ARHGEF38: variants seen among roughly 807,000 people sequenced by gnomAD.
ARHGEF38 encodes Rho guanine nucleotide exchange factor 38.
Under a neutral mutation model 79.9 loss-of-function variants are expected in ARHGEF38, and 79 were observed. The ratio of observed to expected loss-of-function variants is 0.99; its 90% CI spans 0.82 to 1.19. The LOEUF is 1.19. Among genes scored for constraint, ARHGEF38 ranks in the 50% most tolerant of loss-of-function variants. The pLI, the probability that ARHGEF38 is intolerant of heterozygous loss-of-function variation, is 0.00. For synonymous variants in ARHGEF38, 366 were observed against 328.3 expected, an observed-to-expected ratio of 1.11 and a Z score of -1.24; for missense variants, 962 against 907.2, an observed-to-expected ratio of 1.06 and a Z score of -0.78.
chr4:105,598,635 CAAA>C, intron 2 of ARHGEF38, among the ~76,000 whole-genome samples: 1 of 151,998 alleles, frequency 6.6e-6, no homozygotes. Context: ...TACATTACAA[CAAA>C]AAATCCTGTA....
chr4:105,561,489 A>AATG (rs1560684712), intron 1 of ARHGEF38: 1 of 68,884 alleles, frequency 1.5e-5, no homozygotes, highest in East Asian at 2.7e-4. Context: ...AGAATAGAAT[A>AATG]GAATAGAATA....
chr4:105,677,785 A>T lies in ARHGEF38; in HGVS notation c.2182A>T (p.Ser728Cys), dbSNP rs1578372104. 6.6e-7 allele frequency: 1 copy of T among 1,522,764 alleles called. No homozygotes were observed. The highest frequency in any genetic ancestry group is 2.5e-5 in the East Asian group (1 of 40,782). The allele number at this position is 1,522,764 out of a possible 1,614,324, so 94.3% of individuals were successfully genotyped here. A position where few individuals can be genotyped will look rare whatever the true frequency, so the allele number is the denominator to read the frequency against. The part of the protein sequence containing the change: ...FYAVHAFQAR[S>C]DHELSLQEYQ... ...TGCAGTTCATGCTTTTCAAGCACGG[A>T]GTGACCATGAACTCAGCCTTCAGGA... Residue 728 changes from serine (S) to cysteine (C), a missense_variant, in exon 14 of 14, where the codon AGT becomes TGT. Ser to Cys is a moderately radical substitution (Grantham distance 112). Coordinates refer to ENST00000420470, the MANE Select transcript of ARHGEF38 (RefSeq NM_001242729.2).
At chr4:105,576,981 T>C (rs1385983319) in intron 1 of ARHGEF38, among the ~76,000 whole-genome samples, 1 of 152,200 alleles carries the variant, frequency 6.6e-6, no homozygotes, top group Non-Finnish European at 1.5e-5. Context: ...GACCATGGTG[T>C]ATTACCTTTT....
chr4:105,617,105 A>G (rs1728542055), intron 3 of ARHGEF38, among the ~76,000 whole-genome samples: 1 of 152,220 alleles, frequency 6.6e-6, no homozygotes, highest in Non-Finnish European at 1.5e-5. Context: ...AATAGTTTCA[A>G]TAGCAGTTAA....
intron 2 of ARHGEF38, among the ~76,000 whole-genome samples, chr4:105,595,276 C>T (rs927704873): frequency 6.6e-6 from 1 of 152,054 alleles, no homozygotes; most frequent in Non-Finnish European, 1.5e-5. Flanking sequence ...ATTTCTATAA[C>T]AAGAAAGTTA....
rs1730773916 is a variant in ARHGEF38 at position 105,666,985 on chromosome 4, G to A, written c.1690-144G>A. On this transcript the variant is annotated intron_variant, in intron 11 of 13. Coordinates refer to ENST00000420470, the MANE Select transcript of ARHGEF38 (RefSeq NM_001242729.2). ...GCTGGGTACTTTACGATAATAGCCT[G>A]CTCTATGCCTGCACCTTGAAATAAT... The A allele has an allele frequency of 6.9e-6, 5 of 720,256 alleles. No homozygotes were observed. In the South Asian group the frequency reaches 1.0e-4, roughly 15 times the overall value. The allele number at this position is 720,256 out of a possible 1,614,324, so 44.6% of individuals were successfully genotyped here. A position where few individuals can be genotyped will look rare whatever the true frequency, so the allele number is the denominator to read the frequency against.
rs1157078885 is a variant in ARHGEF38, at chr4:105,667,183, A to G, written c.1744A>G (p.Ser582Gly). ...IHRSKLLSTYSAEELYQAKRK... is the reference protein window; with the variant it reads ...IHRSKLLSTYGAEELYQAKRK... ...TCGCTCCAAACTTCTATCCACATAT[A>G]GTGCAGAGGAACTCTATCAAGCTAA... Residue 582 changes from serine to glycine, a missense_variant, in exon 12 of 14, where the codon AGT (serine) becomes GGT (glycine). By Grantham distance (56) the Ser-to-Gly change is moderately conservative (BLOSUM62 0). Coordinates refer to ENST00000420470, the MANE Select transcript of ARHGEF38 (RefSeq NM_001242729.2). 4 of 1,535,960 alleles carry G rather than the reference A, an allele frequency of 2.6e-6. No homozygotes were observed. The highest frequency in any genetic ancestry group is 3.5e-6 in the Non-Finnish European group (4 of 1,146,892).
At chr4:105,559,535 C>T (rs1725416572) in intron 1 of ARHGEF38, among the ~76,000 whole-genome samples, 1 of 152,098 alleles carries the variant, frequency 6.6e-6, no homozygotes, top group Admixed American at 6.6e-5. Flanking sequence ...CCATGGTCCC[C>T]TGCCAAATTT....
chr4:105,603,865 T>C (rs1205681992), intron 2 of ARHGEF38, among the ~76,000 whole-genome samples: 2 of 152,192 alleles, frequency 1.3e-5, no homozygotes, highest in African/African-American at 4.8e-5. Context: ...AACAGTTCAC[T>C]GAACTTTCCT....
At chr4:105,646,969 A>G (rs1729868797) in intron 6 of ARHGEF38, among the ~76,000 whole-genome samples, 1 of 152,196 alleles carries the variant, frequency 6.6e-6, no homozygotes. Flanking sequence ...AGATACAGAT[A>G]TTATAAGCCC....
In ARHGEF38 at chr4:105,678,122, A is replaced by ACATT; in HGVS notation, c.*188_*189insTCAT. Reference sequence around the variant, plus strand: ...ATTGCATGAATGTATTATAAAGGATACATGTTGAAAGAAATACTAAGCCAA... The same window carrying ACATT: ...ATTGCATGAATGTATTATAAAGGATACATTCATGTTGAAAGAAATACTAAGCCAA... On this transcript the variant is annotated 3_prime_UTR_variant, in exon 14 of 14. Coordinates refer to ENST00000420470, the MANE Select transcript of ARHGEF38 (RefSeq NM_001242729.2). The ACATT allele has an allele frequency of 4.6e-6, 2 of 437,194 alleles. No individual in the cohort carries two copies. Among genetic ancestry groups the ACATT allele is most frequent in the Non-Finnish European group, 7.8e-6 (2 of 256,800 alleles). 27.1% of individuals were successfully genotyped at this position (437,194 alleles called of 1,614,324 possible).
downstream of ARHGEF38, chr4:105,682,469 A>C (rs1182580999): frequency 3.0e-6 from 1 of 328,712 alleles, no homozygotes; most frequent in Non-Finnish European, 5.5e-6. Context: ...AGATGCTTTC[A>C]ATCTTCTGAA....
chr4:105,643,133 GT>G lies in ARHGEF38; in HGVS notation c.675-2044del, dbSNP rs11412582. On this transcript the variant is annotated intron_variant, in intron 5 of 13. Transcript: ENST00000420470. ...AAAATATCTTTTGGGTTTTTTGTTA[GT>G]TTTTTTTTTTCAGTATAAATACTGA... Among the ~76,000 whole-genome samples, 1,155 of 143,260 alleles carry G rather than the reference GT, an allele frequency of 8.1e-3. 13 individuals carry two copies. The highest frequency in any genetic ancestry group is 0.027 in the African/African-American group (1,052 of 39,338). The allele number at this position is 143,260 out of a possible 152,430, so 94.0% of individuals were successfully genotyped here.
At chr4:105,619,080 T>C (rs1212308884) in intron 3 of ARHGEF38, among the ~76,000 whole-genome samples, 2 of 152,160 alleles carry the variant, frequency 1.3e-5, no homozygotes, top group African/African-American at 2.4e-5. Flanking sequence ...AATTCCAACT[T>C]TGAGGAAAAT....
At chr4:105,604,177 T>G (rs1727943262) in intron 2 of ARHGEF38, among the ~76,000 whole-genome samples, 1 of 152,042 alleles carries the variant, frequency 6.6e-6, no homozygotes, top group Admixed American at 6.6e-5. Flanking sequence ...ACTTCATGTG[T>G]GTGGGGAAGG....
rs145763674 is a variant in ARHGEF38 at position 105,627,694 on chromosome 4, T to C, written c.509-3204T>C. 1.5e-3 allele frequency among the ~76,000 whole-genome samples: 229 copies of C among 152,304 alleles called. 1 individual carries two copies. The highest frequency in any genetic ancestry group is 0.014 in the Middle Eastern group (4 of 294). On this transcript the variant is annotated intron_variant, in intron 3 of 13. Transcript: ENST00000420470. ...CAGGCAACCACAAGTGAAATTACCT[T>C]CAATGGTCTTGGCTTAGTCCCTCCT...
Position 105,561,444 on chromosome 4 carries a change from A to AGAATAGAATGGAATGGAATG in ARHGEF38, c.196+8487_196+8488insAGAATGGAATGGAATGGAAT, listed in dbSNP as rs1725561691. On this transcript the variant is annotated intron_variant, in intron 1 of 13. Transcript: ENST00000420470. ...AGAATGGAATAGAATAGAATAGAAT[A>AGAATAGAATGGAATGGAATG]GAATGGAATAGAATAGAATAGAATA... The AGAATAGAATGGAATGGAATG allele has an allele frequency of 1.4e-3, 59 of 43,010 alleles. 10 individuals are homozygous for AGAATAGAATGGAATGGAATG. Among genetic ancestry groups the AGAATAGAATGGAATGGAATG allele is most frequent in the Non-Finnish European group, 1.7e-3 (38 of 22,546 alleles). The allele number at this position is 43,010 out of a possible 1,614,324, so 2.7% of individuals were successfully genotyped here.
At chr4:105,640,850 G>A (rs1729589389) in intron 5 of ARHGEF38, among the ~76,000 whole-genome samples, 1 of 152,078 alleles carries the variant, frequency 6.6e-6, no homozygotes, top group African/African-American at 2.4e-5. Flanking sequence ...GAAACATTCT[G>A]ATTCCTAATT....
At chr4:105,631,147 T>C (rs978206091) in intron 4 of ARHGEF38, 102 bp downstream of exon 4, 21 of 1,394,156 alleles carry the variant, frequency 1.5e-5, no homozygotes, top group Non-Finnish European at 1.9e-5. Flanking sequence ...TCCTATGTTT[T>C]ATGAGACTTG....
Sources: gnomAD v4.1 joint callset for allele counts (sites outside exome capture counted in the v4.1 genomes callset) on GRCh38, gnomAD v4.1.1 for gene constraint, MANE v1.5 for transcripts, NCBI Gene and HGNC (gene_info 2026-07-23, HGNC 2026-07-21) for gene names.